Variants in MEF2A observed in about 807,000 individuals in gnomAD.
MEF2A encodes the protein myocyte enhancer factor 2A, also known as myocyte-specific enhancer factor 2A.
Under a neutral mutation model 55.8 loss-of-function variants are expected in MEF2A, and 28 were observed. That is an observed-to-expected ratio of 0.50 (90% CI 0.37 to 0.69). MEF2A has a LOEUF of 0.69. Ranked by LOEUF, MEF2A falls within the 30% of genes least tolerant of loss-of-function variation. The pLI, the probability that MEF2A is intolerant of heterozygous loss-of-function variation, is 0.00. For missense variants in MEF2A, 528 were observed against 626.2 expected (o/e 0.84, Z 1.67); for synonymous variants, 239 against 227.1 (o/e 1.05, Z -0.47).
At chr15:99,653,034 T>G (rs939497653) in intron 4 of MEF2A, among the ~76,000 whole-genome samples, 2 of 152,176 alleles carry the variant, frequency 1.3e-5, no homozygotes, top group African/African-American at 4.8e-5. Context: ...ATGCCAAGAT[T>G]TTTATGTTTC....
At chr15:99,682,798 G>C (rs748702115) in intron 7 of MEF2A, among the ~76,000 whole-genome samples, 1 of 152,150 alleles carries the variant, frequency 6.6e-6, no homozygotes, top group Non-Finnish European at 1.5e-5. Flanking sequence ...TAGTATTTGT[G>C]CTTCTTGATG....
intron 4 of MEF2A, among the ~76,000 whole-genome samples, chr15:99,668,242 A>G (rs978265672): frequency 1.3e-5 from 2 of 152,218 alleles, no homozygotes; most frequent in South Asian, 2.1e-4. Context: ...AATATTGCCA[A>G]TTGGGACCTT....
At chr15:99,706,323 A>G (rs1159690890) in intron 9 of MEF2A, among the ~76,000 whole-genome samples, 1 of 152,384 alleles carries the variant, frequency 6.6e-6, no homozygotes, top group Non-Finnish European at 1.5e-5. Context: ...TTTGATTCCT[A>G]TACTCATAGA....
intron 3 of MEF2A, among the ~76,000 whole-genome samples, chr15:99,634,954 ATCTT>A (rs1398046842): frequency 6.6e-6 from 1 of 152,250 alleles, no homozygotes; most frequent in African/African-American, 2.4e-5. Flanking sequence ...CTAAAAGAGT[ATCTT>A]TATTGATTTT....
intron 2 of MEF2A, among the ~76,000 whole-genome samples, chr15:99,618,476 T>C (rs1422225264): frequency 2.0e-5 from 3 of 152,182 alleles, no homozygotes; most frequent in Non-Finnish European, 4.4e-5. Flanking sequence ...ATTGCAATTA[T>C]GGCCTGCGCT....
At chr15:99,624,924 AGTGGTTTGACTTAC>A (rs2041827421) in intron 2 of MEF2A, among the ~76,000 whole-genome samples, 1 of 152,136 alleles carries the variant, frequency 6.6e-6, no homozygotes, top group Non-Finnish European at 1.5e-5. Context: ...CCCAACTTAC[AGTGGTTTGACTTAC>A]GATTTTTCGA....
At chr15:99,687,186 A>G (rs943065095) in intron 7 of MEF2A, among the ~76,000 whole-genome samples, 4 of 131,368 alleles carry the variant, frequency 3.0e-5, no homozygotes, top group African/African-American at 5.8e-5. Flanking sequence ...TCAGCCTCCC[A>G]AAGTTCTGGG....
At chr15:99,654,396 T>C (rs188418997) in intron 4 of MEF2A, among the ~76,000 whole-genome samples, 11 of 152,148 alleles carry the variant, frequency 7.2e-5, no homozygotes, top group East Asian at 1.9e-4. Context: ...TTAAATCTTA[T>C]TAAGTTTTGA....
intron 4 of MEF2A, among the ~76,000 whole-genome samples, chr15:99,663,988 C>T (rs1463200912): frequency 6.6e-6 from 1 of 152,146 alleles, no homozygotes; most frequent in African/African-American, 2.4e-5. Context: ...GTTGTCAGTA[C>T]TCTATAAGTA....
intron 4 of MEF2A, among the ~76,000 whole-genome samples, chr15:99,662,881 T>C (rs1475741741): frequency 1.3e-5 from 2 of 152,250 alleles, no homozygotes; most frequent in African/African-American, 4.8e-5. Context: ...AGCTGTGTCA[T>C]AGCAATGAGA....
chr15:99,711,317 A>G (rs1327230249), intron 11 of MEF2A, among the ~76,000 whole-genome samples: 1 of 152,228 alleles, frequency 6.6e-6, no homozygotes, highest in African/African-American at 2.4e-5. Flanking sequence ...GTCAGGCTCC[A>G]TAGGATTTGT....
intron 2 of MEF2A, among the ~76,000 whole-genome samples, chr15:99,604,852 A>G (rs1177063871): frequency 1.3e-5 from 2 of 152,124 alleles, no homozygotes; most frequent in Non-Finnish European, 2.9e-5. Flanking sequence ...ACTGCCCATT[A>G]AGGTTATATC....
intron 1 of MEF2A, among the ~76,000 whole-genome samples, chr15:99,575,731 G>A (rs1005341597): frequency 6.6e-6 from 1 of 152,162 alleles, no homozygotes; most frequent in South Asian, 2.1e-4. Flanking sequence ...TTACTACACA[G>A]AATTGCAAAA....
chr15:99,601,812 TG>T lies in MEF2A; in HGVS notation c.-143+3302del, dbSNP rs1973131267. Among the ~76,000 whole-genome samples the T allele has an allele frequency of 4.2e-4, 2 of 4,806 alleles. 1 individual carries two copies. The allele number at this position is 4,806 out of a possible 152,430, so 3.2% of individuals were successfully genotyped here. On this transcript the variant is annotated intron_variant, in intron 2 of 11. Transcript: ENST00000557942. ...GATTGTAGTTTTTGTCTGTTTTGTG[TG>T]TGTGTGTGTGTGTGTGTGTGTGTGT...
intron 4 of MEF2A, among the ~76,000 whole-genome samples, chr15:99,649,849 A>G (rs2046550355): frequency 1.3e-5 from 2 of 152,180 alleles, no homozygotes; most frequent in Admixed American, 6.5e-5. Flanking sequence ...AATGATACCT[A>G]AAAAACACCT....
chr15:99,710,576 A>C, intron 10 of MEF2A, 58 bp from the exon 11 acceptor site: 2 of 1,573,934 alleles, frequency 1.3e-6, no homozygotes, highest in Non-Finnish European at 1.7e-6. Flanking sequence ...GCTACGTAAA[A>C]AATAGATTCC....
chr15:99,634,013 G>C (rs532264375), intron 3 of MEF2A, among the ~76,000 whole-genome samples: 1 of 152,246 alleles, frequency 6.6e-6, no homozygotes, highest in East Asian at 1.9e-4. Context: ...TAGTTCAGAA[G>C]AAAGAAGGAA....
rs549680487 is a variant in MEF2A, at chr15:99,706,185, C to T, written c.883-544C>T. Among the ~76,000 whole-genome samples the T allele has an allele frequency of 1.2e-4, 18 of 152,228 alleles. 1 individual carries two copies. Among genetic ancestry groups the T allele is most frequent in the African/African-American group, 4.1e-4 (17 of 41,536 alleles). ...AGGGGACTATGAAGGGATACATGTC[C>T]GAATCTGTTGTTAAAAAATAGGTCA... On this transcript the variant is annotated intron_variant, in intron 9 of 11. Coordinates refer to ENST00000557942, the MANE Select transcript of MEF2A (RefSeq NM_001319206.4).
intron 1 of MEF2A, among the ~76,000 whole-genome samples, chr15:99,581,170 A>G (rs1965807244): frequency 6.6e-6 from 1 of 152,096 alleles, no homozygotes. Context: ...GTCTGTCAGT[A>G]TTTTCTGTTG....
Sources: allele counts gnomAD v4.1 joint callset (sites outside exome capture counted in the v4.1 genomes callset), GRCh38; gene constraint gnomAD v4.1.1; transcripts MANE v1.5; gene names NCBI Gene and HGNC (gene_info 2026-07-23, HGNC 2026-07-21).